DDC: variants seen among roughly 807,000 people sequenced by gnomAD.
DDC encodes the protein aromatic-L-amino-acid decarboxylase.
Under a neutral mutation model 60.0 loss-of-function variants are expected in DDC, and 43 were observed. The ratio of observed to expected loss-of-function variants is 0.72; its 90% CI spans 0.56 to 0.92. The LOEUF (loss-of-function observed/expected upper bound fraction) is 0.92, where lower values mean the gene tolerates loss of function less well. Ranked by LOEUF, DDC falls within the 40% of genes least tolerant of loss-of-function variation. The pLI, the probability that DDC is intolerant of heterozygous loss-of-function variation, is 0.00. For missense variants in DDC, 573 were observed against 620.2 expected (o/e 0.92, Z 0.81); for synonymous variants, 232 against 234.6 (o/e 0.99, Z 0.10).
chr7:50,476,485 T>C, intron 11 of DDC, 139 bp downstream of exon 11: 2 of 798,736 alleles, frequency 2.5e-6, no homozygotes, highest in East Asian at 2.5e-5. Flanking sequence ...CCCCCCTAAT[T>C]TGTCAGTTAG....
At chr7:50,519,719 G>A (rs540689109) in intron 6 of DDC, among the ~76,000 whole-genome samples, 11 of 152,214 alleles carry the variant, frequency 7.2e-5, no homozygotes, top group African/African-American at 2.2e-4. Context: ...ATGATACAAT[G>A]GGCTTTGGGG....
intron 9 of DDC, among the ~76,000 whole-genome samples, chr7:50,492,134 G>A (rs2043009775): frequency 6.6e-6 from 1 of 152,188 alleles, no homozygotes; most frequent in South Asian, 2.1e-4. Flanking sequence ...GAAGAAACCA[G>A]CCTGCTGATG....
intron 1 of DDC, among the ~76,000 whole-genome samples, chr7:50,552,531 C>A (rs2329340): frequency 6.6e-6 from 1 of 151,930 alleles, no homozygotes; most frequent in African/African-American, 2.4e-5. Flanking sequence ...CAGCCCCACA[C>A]GCTTCAAGAA....
chr7:50,494,482 C>T lies in DDC; in HGVS notation c.944+868G>A, dbSNP rs184195859. Reference sequence around the variant, plus strand: ...TTGCACCACTGCACTCCAGCCTGGGCGACAGAATGAGACACTGTCTCAAAA... The same window carrying T: ...TTGCACCACTGCACTCCAGCCTGGGTGACAGAATGAGACACTGTCTCAAAA... On this transcript the variant is annotated intron_variant, in intron 9 of 14. Coordinates refer to ENST00000444124, the MANE Select transcript of DDC (RefSeq NM_001082971.2). Among the ~76,000 whole-genome samples, 72 of 151,084 alleles carry T rather than the reference C, an allele frequency of 4.8e-4. 1 individual carries two copies. The highest frequency in any genetic ancestry group is 2.8e-3 in the Admixed American group (42 of 15,136).
At chr7:50,510,846 T>A (rs983133533) in intron 6 of DDC, among the ~76,000 whole-genome samples, 1 of 150,536 alleles carries the variant, frequency 6.6e-6, no homozygotes, top group Non-Finnish European at 1.5e-5. Context: ...CTGGGCGCGG[T>A]GGTGGGCGCC....
intron 3 of DDC, among the ~76,000 whole-genome samples, chr7:50,539,548 G>C (rs527426157): frequency 6.6e-6 from 1 of 152,250 alleles, no homozygotes; most frequent in African/African-American, 2.4e-5. Context: ...ATGAGACAGG[G>C]GCAGTCGCGG....
At chr7:50,482,303 G>A (rs552805830) in intron 9 of DDC, among the ~76,000 whole-genome samples, 23 of 152,326 alleles carry the variant, frequency 1.5e-4, no homozygotes, top group Middle Eastern at 3.4e-3. Context: ...ACTAAGGAGG[G>A]TGAGTAACTT....
chr7:50,472,046 A>G (rs2042544544), intron 11 of DDC, among the ~76,000 whole-genome samples: 1 of 152,206 alleles, frequency 6.6e-6, no homozygotes, highest in South Asian at 2.1e-4. Context: ...GCTCACTCAA[A>G]TGTGGCTCCA....
intron 4 of DDC, among the ~76,000 whole-genome samples, chr7:50,534,912 G>A (rs181810150): frequency 2.0e-5 from 3 of 152,266 alleles, no homozygotes; most frequent in African/African-American, 4.8e-5. Context: ...CACTGGCTGC[G>A]GACAGTGTGC....
Position 50,505,733 on chromosome 7 carries a change from G to C in DDC, c.715-1674C>G, listed in dbSNP as rs117442677. 4.6e-5 allele frequency among the ~76,000 whole-genome samples: 7 copies of C among 152,352 alleles called. No homozygotes were observed. The East Asian group carries it at 1.4e-3, about 29-fold the overall frequency. ...GAGCGATGCCTGCTCAGGGACCAGA[G>C]TTTTCCATGCCAAACCCCGGGGCGT... On this transcript the variant is annotated intron_variant, in intron 6 of 14. Transcript: ENST00000444124.
At position 50,495,362 on chromosome 7, in the gene DDC, C is replaced by G; in HGVS notation, c.932G>C (p.Cys311Ser). The stretch of plus-strand genomic sequence containing the variant: ...CAGGGAAACTTACCACATGGCAGAA[C>G]AGTCAAAATTCACCAATAGCCATTT... ...PHKWLLVNFDCSAMWVKKRTD... is the reference protein window; with the variant it reads ...PHKWLLVNFDSSAMWVKKRTD... Residue 311 changes from cysteine to serine, a missense_variant, in exon 9 of 15, where the codon TGT becomes TCT. Cys to Ser is a moderately radical substitution (Grantham distance 112). Coordinates refer to ENST00000444124, the MANE Select transcript of DDC (RefSeq NM_001082971.2). 1 of 1,612,640 alleles carries G rather than the reference C, an allele frequency of 6.2e-7. No homozygotes were observed.
Position 50,483,879 on chromosome 7 carries a change from G to T in DDC, c.945-4016C>A, listed in dbSNP as rs148679672. On this transcript the variant is annotated intron_variant, in intron 9 of 14. Transcript: ENST00000444124. ...AGATCGCGCTACTGCACTCCAGCCT[G>T]GGCGACAGAGCAAGATTCCATCTCA... 2.1e-3 allele frequency among the ~76,000 whole-genome samples: 322 copies of T among 150,234 alleles called. 1 individual carries two copies. Among genetic ancestry groups the T allele is most frequent in the African/African-American group, 7.6e-3 (311 of 40,780 alleles).
At chr7:50,502,607 G>A (rs1229805009) in intron 7 of DDC, among the ~76,000 whole-genome samples, 1 of 152,194 alleles carries the variant, frequency 6.6e-6, no homozygotes, top group African/African-American at 2.4e-5. Flanking sequence ...CCCCAGCCCG[G>A]GGCTGTGCAC....
intron 1 of DDC, among the ~76,000 whole-genome samples, chr7:50,558,128 T>C (rs977049497): frequency 2.0e-5 from 3 of 151,136 alleles, no homozygotes; most frequent in Non-Finnish European, 4.4e-5. Context: ...TCTTTCCCCC[T>C]TTCTCTTGCA....
intron 8 of DDC, 146 bp from the exon 9 acceptor site, chr7:50,495,563 A>AGGGG: frequency 1.4e-6 from 1 of 698,340 alleles, no homozygotes; most frequent in Admixed American, 2.1e-5. Flanking sequence ...GGGGAGTAGT[A>AGGGG]ACTTGTAGTG....
chr7:50,476,847 A>G (rs1198377451), intron 10 of DDC, among the ~76,000 whole-genome samples: 1 of 152,146 alleles, frequency 6.6e-6, no homozygotes, highest in East Asian at 1.9e-4. Flanking sequence ...GGATGCCCAA[A>G]ACACAAATTG....
At chr7:50,482,148 C>T (rs1016753541) in intron 9 of DDC, among the ~76,000 whole-genome samples, 8 of 152,162 alleles carry the variant, frequency 5.3e-5, no homozygotes, top group Non-Finnish European at 1.0e-4. Context: ...TATCTACGGC[C>T]GTATTCAATA....
chr7:50,534,845 G>A (rs2044342762), intron 4 of DDC, among the ~76,000 whole-genome samples: 1 of 152,210 alleles, frequency 6.6e-6, no homozygotes, highest in African/African-American at 2.4e-5. Context: ...CAGGACTGAT[G>A]TTCCAGAGGC....
chr7:50,479,676 G>T, intron 10 of DDC, 111 bp downstream of exon 10: 1 of 962,858 alleles, frequency 1.0e-6, no homozygotes, highest in South Asian at 1.3e-5. Flanking sequence ...TCTTCTCTGT[G>T]AAAGCCTCCT....
Sources: gnomAD v4.1 joint callset for allele counts (sites outside exome capture counted in the v4.1 genomes callset) on GRCh38, gnomAD v4.1.1 for gene constraint, MANE v1.5 for transcripts, NCBI Gene and HGNC (gene_info 2026-07-23, HGNC 2026-07-21) for gene names.